The following GSK3B variants were observed in gnomAD, a reference collection of about 807,000 sequenced individuals.
GSK3B encodes glycogen synthase kinase 3 beta.
GSK3B carries 15 observed loss-of-function variants against 56.4 expected under a neutral mutation model. The ratio of observed to expected loss-of-function variants is 0.27; its 90% CI spans 0.18 to 0.41. The LOEUF (loss-of-function observed/expected upper bound fraction) is 0.41. GSK3B is among the 10% of genes least tolerant of loss of function. GSK3B has a pLI of 1.00. For synonymous variants in GSK3B, 181 were observed against 188.9 expected (o/e 0.96, Z 0.34); for missense variants, 300 against 513.4 (o/e 0.58, Z 4.02).
chr3:119,898,074 G>A (rs2056587713), intron 7 of GSK3B, among the ~76,000 whole-genome samples: 1 of 152,146 alleles, frequency 6.6e-6, no homozygotes, highest in African/African-American at 2.4e-5. Context: ...CCAATCTACT[G>A]AAATCACAGC....
chr3:119,985,611 G>A (rs527558659), intron 2 of GSK3B, among the ~76,000 whole-genome samples: 33 of 152,130 alleles, frequency 2.2e-4, no homozygotes, highest in African/African-American at 8.0e-4. Flanking sequence ...TAAATACCTA[G>A]GAATACAACT....
At chr3:119,954,227 TA>T (rs2057187109) in intron 2 of GSK3B, among the ~76,000 whole-genome samples, 2 of 14,816 alleles carry the variant, frequency 1.3e-4, no homozygotes, top group African/African-American at 2.1e-4. Flanking sequence ...GGAAGGAGAA[TA>T]GAATAGAATA....
intron 2 of GSK3B, among the ~76,000 whole-genome samples, chr3:119,973,218 C>G (rs1447640491): frequency 6.6e-6 from 1 of 152,216 alleles, no homozygotes; most frequent in Non-Finnish European, 1.5e-5. Flanking sequence ...TCCACAGTTT[C>G]AGTTACCTAC....
chr3:120,065,791 A>C (rs1050518936), intron 1 of GSK3B, among the ~76,000 whole-genome samples: 4 of 152,236 alleles, frequency 2.6e-5, no homozygotes, highest in African/African-American at 9.6e-5. Context: ...CGAAGTACTG[A>C]TACATGCTAA....
chr3:119,863,110 T>C (rs1169926097), intron 9 of GSK3B, among the ~76,000 whole-genome samples: 2 of 152,240 alleles, frequency 1.3e-5, no homozygotes. Flanking sequence ...ACCTAAAAGT[T>C]AAATTGTACA....
chr3:119,866,484 C>T lies in GSK3B; in HGVS notation c.910-2879G>A, dbSNP rs2056184266. 4 of 776,310 alleles carry T rather than the reference C, an allele frequency of 5.2e-6. No homozygotes were observed. The South Asian group carries it at 5.9e-5, about 12-fold the overall frequency. The allele number at this position is 776,310 out of a possible 1,614,324, so 48.1% of individuals were successfully genotyped here. On this transcript the variant is annotated intron_variant, in intron 8 of 10. Coordinates refer to ENST00000264235, the MANE Select transcript of GSK3B (RefSeq NM_001146156.2). The stretch of plus-strand genomic sequence containing the variant: ...AAATCACAGCTACTTACATTGTTTA[C>T]TATTACATTTCAAGAATGAGTAATT...
chr3:119,966,195 T>C (rs1018136625), intron 2 of GSK3B, among the ~76,000 whole-genome samples: 3 of 152,328 alleles, frequency 2.0e-5, no homozygotes, highest in Admixed American at 2.0e-4. Flanking sequence ...ACACTTGATC[T>C]TGTAATGCAA....
chr3:119,976,871 T>C (rs1373779123), intron 2 of GSK3B, among the ~76,000 whole-genome samples: 1 of 150,472 alleles, frequency 6.6e-6, no homozygotes, highest in African/African-American at 2.4e-5. Context: ...CAGATATATA[T>C]GGGAATTTGA....
chr3:120,039,422 T>G (rs1350086604), intron 1 of GSK3B, among the ~76,000 whole-genome samples: 1 of 152,252 alleles, frequency 6.6e-6, no homozygotes, highest in Admixed American at 6.5e-5. Flanking sequence ...AGGTTCAGGT[T>G]GTTAACTTCC....
chr3:119,994,955 CT>C (rs2057600490), intron 2 of GSK3B, among the ~76,000 whole-genome samples: 1 of 151,874 alleles, frequency 6.6e-6, no homozygotes, highest in African/African-American at 2.4e-5. Flanking sequence ...AAGCGAATGT[CT>C]TTTGAGTTTG....
rs1444261119 is a variant in GSK3B at position 119,823,103 on chromosome 3, T to C, written c.*3685A>G. 8.7e-6 allele frequency: 2 copies of C among 229,606 alleles called. No individual in the cohort carries two copies. Among genetic ancestry groups the C allele is most frequent in the African/African-American group, 4.4e-5 (2 of 45,130 alleles). The allele number at this position is 229,606 out of a possible 1,614,324, so 14.2% of individuals were successfully genotyped here. On this transcript the variant is annotated 3_prime_UTR_variant, in exon 11 of 11. Coordinates refer to ENST00000264235, the MANE Select transcript of GSK3B (RefSeq NM_001146156.2). ...AAGAAGGTGCAGTCTTCTGCCTTGC[T>C]GGAATGAACACACGATGTTTCAAAA...
intron 7 of GSK3B, 112 bp downstream of exon 7, chr3:119,905,643 G>A (rs1442061721): frequency 1.4e-6 from 1 of 704,868 alleles, no homozygotes; most frequent in Admixed American, 2.0e-5. Flanking sequence ...ACGTGACCTT[G>A]GATTGCTTCC....
chr3:120,089,142 G>A (rs2058490062), intron 1 of GSK3B, among the ~76,000 whole-genome samples: 1 of 152,204 alleles, frequency 6.6e-6, no homozygotes, highest in African/African-American at 2.4e-5. Context: ...AGTGAAATGA[G>A]AAGATGTCAC....
intron 9 of GSK3B, among the ~76,000 whole-genome samples, chr3:119,844,825 T>C (rs1449511278): frequency 6.6e-6 from 1 of 152,184 alleles, no homozygotes; most frequent in Non-Finnish European, 1.5e-5. Flanking sequence ...GCCAGCATCA[T>C]CCTGATAGCA....
chr3:119,925,119 A>C (rs765168465), intron 3 of GSK3B, among the ~76,000 whole-genome samples: 1 of 152,046 alleles, frequency 6.6e-6, no homozygotes, highest in Non-Finnish European at 1.5e-5. Flanking sequence ...GCTTGAGTTC[A>C]TGAGTTTGAG....
intron 2 of GSK3B, among the ~76,000 whole-genome samples, chr3:119,999,276 G>A (rs1479527659): frequency 6.6e-6 from 1 of 152,192 alleles, no homozygotes; most frequent in Non-Finnish European, 1.5e-5. Context: ...AATACTGTGA[G>A]AGAAAGAGAG....
intron 6 of GSK3B, among the ~76,000 whole-genome samples, chr3:119,910,077 A>C (rs1393978470): frequency 6.6e-6 from 1 of 152,218 alleles, no homozygotes; most frequent in African/African-American, 2.4e-5. Context: ...AATAACATTA[A>C]TTAATAAATT....
chr3:119,895,567 C>G (rs1322030986), intron 7 of GSK3B, among the ~76,000 whole-genome samples: 1 of 152,116 alleles, frequency 6.6e-6, no homozygotes, highest in African/African-American at 2.4e-5. Context: ...CTTTTCTCCA[C>G]AAGCTATATA....
chr3:119,919,734 A>C lies in GSK3B; in HGVS notation c.478-3560T>G, dbSNP rs539231531. ...AGGGTTGTTCACTATAGCAAAAACC[A>C]AAAAAACCACAACAAAAAACAAGAG... is the stretch of plus-strand genomic sequence containing the variant. On this transcript the variant is annotated intron_variant, in intron 4 of 10. Coordinates refer to ENST00000264235, the MANE Select transcript of GSK3B (RefSeq NM_001146156.2). Among the ~76,000 whole-genome samples, 12 of 152,096 alleles carry C rather than the reference A, an allele frequency of 7.9e-5. No individual in the cohort carries two copies. In the East Asian group the frequency reaches 2.3e-3, roughly 29 times the overall value.
Sources: gnomAD v4.1 joint callset for allele counts (sites outside exome capture counted in the v4.1 genomes callset) on GRCh38, gnomAD v4.1.1 for gene constraint, MANE v1.5 for transcripts, NCBI Gene and HGNC (gene_info 2026-07-23, HGNC 2026-07-21) for gene names.